MARCHF1: variants seen among roughly 807,000 people sequenced by gnomAD.
MARCHF1 encodes E3 ubiquitin-protein ligase MARCHF1.
A neutral mutation model predicts 54.2 loss-of-function variants in MARCHF1; 40 were observed. The observed-to-expected ratio is 0.74, with a 90% CI of 0.57 to 0.96. MARCHF1 has a LOEUF of 0.96. Among genes scored for constraint, MARCHF1 ranks in the 40% least tolerant of loss-of-function variants. The pLI, the probability that MARCHF1 is intolerant of heterozygous loss-of-function variation, is 0.00. For missense variants in MARCHF1, 586 were observed against 656.5 expected, an observed-to-expected ratio of 0.89 and a Z score of 1.17; for synonymous variants, 236 against 236.3, an observed-to-expected ratio of 1.00 and a Z score of 0.01.
chr4:163,973,811 A>G (rs1752598110), intron 3 of MARCHF1, among the ~76,000 whole-genome samples: 1 of 152,250 alleles, frequency 6.6e-6, no homozygotes, highest in Admixed American at 6.5e-5. Flanking sequence ...ACATATTCTG[A>G]GTAGCCAGCC....
intron 4 of MARCHF1, among the ~76,000 whole-genome samples, chr4:163,805,386 A>C (rs1262868602): frequency 6.6e-6 from 1 of 151,922 alleles, no homozygotes; most frequent in Non-Finnish European, 1.5e-5. Flanking sequence ...AAAAACATTC[A>C]ACAAGTTTAT....
intron 2 of MARCHF1, among the ~76,000 whole-genome samples, chr4:164,030,804 G>T (rs890571417): frequency 6.6e-6 from 1 of 152,110 alleles, no homozygotes; most frequent in Non-Finnish European, 1.5e-5. Context: ...ATATTTTGGG[G>T]AGGAAATTTT....
chr4:163,794,549 T>C (rs1044387679), intron 4 of MARCHF1, among the ~76,000 whole-genome samples: 5 of 152,198 alleles, frequency 3.3e-5, no homozygotes, highest in African/African-American at 1.2e-4. Context: ...AAGACCAGAA[T>C]GTATGTAACA....
intron 4 of MARCHF1, among the ~76,000 whole-genome samples, chr4:163,764,552 T>G (rs764202318): frequency 2.0e-5 from 3 of 152,076 alleles, no homozygotes; most frequent in Non-Finnish European, 4.4e-5. Context: ...AGAAAATTTG[T>G]CTTTGTGATG....
chr4:163,889,674 A>G (rs1203916768), intron 3 of MARCHF1, among the ~76,000 whole-genome samples: 36 of 152,108 alleles, frequency 2.4e-4, no homozygotes, highest in Admixed American at 2.2e-3. Flanking sequence ...CTCTTCTGTC[A>G]TAAGCAGTGA....
intron 9 of MARCHF1, 93 bp downstream of exon 9, chr4:163,545,503 G>T: frequency 8.2e-7 from 1 of 1,224,546 alleles, no homozygotes; most frequent in East Asian, 2.4e-5. Context: ...TATCATACAT[G>T]ATGAAGGCCT....
chr4:163,720,296 A>G (rs1367843471), intron 4 of MARCHF1, among the ~76,000 whole-genome samples: 14 of 152,156 alleles, frequency 9.2e-5, no homozygotes, highest in African/African-American at 3.4e-4. Context: ...TCCTTTCCCC[A>G]TTTCTTGTTT....
At chr4:163,858,734 T>A (rs551867316) in intron 3 of MARCHF1, among the ~76,000 whole-genome samples, 1 of 152,252 alleles carries the variant, frequency 6.6e-6, no homozygotes, top group African/African-American at 2.4e-5. Context: ...TTGAGAAAAC[T>A]CTAACATTCA....
intron 1 of MARCHF1, among the ~76,000 whole-genome samples, chr4:164,178,651 A>G (rs1490063192): frequency 6.6e-6 from 1 of 152,210 alleles, no homozygotes; most frequent in Non-Finnish European, 1.5e-5. Context: ...ATGAATACTT[A>G]AATATCACTA....
At chr4:163,576,731 G>A (rs909869868) in intron 8 of MARCHF1, among the ~76,000 whole-genome samples, 3 of 151,912 alleles carry the variant, frequency 2.0e-5, no homozygotes, top group African/African-American at 4.8e-5. Flanking sequence ...GTGCTTCAAT[G>A]TTGGGAACGT....
At chr4:164,154,801 T>C (rs1299927550) in intron 1 of MARCHF1, among the ~76,000 whole-genome samples, 1 of 152,176 alleles carries the variant, frequency 6.6e-6, no homozygotes, top group African/African-American at 2.4e-5. Flanking sequence ...CAGGGGACGA[T>C]TGTGCCAGCT....
intron 1 of MARCHF1, among the ~76,000 whole-genome samples, chr4:164,112,726 A>G (rs1017804732): frequency 6.6e-6 from 1 of 151,980 alleles, no homozygotes; most frequent in Non-Finnish European, 1.5e-5. Context: ...AATTCACACT[A>G]TATACAACAA....
intron 1 of MARCHF1, among the ~76,000 whole-genome samples, chr4:164,172,750 G>A (rs925303513): frequency 1.4e-4 from 21 of 152,194 alleles, no homozygotes; most frequent in Admixed American, 4.6e-4. Context: ...GGCTGAGGCG[G>A]GCAAACCAAG....
At chr4:164,101,317 G>C (rs2111158119) in intron 2 of MARCHF1, among the ~76,000 whole-genome samples, 1 of 150,302 alleles carries the variant, frequency 6.7e-6, no homozygotes, top group African/African-American at 2.4e-5. Context: ...GCAGGGCACA[G>C]TCAAACAAAA....
At chr4:164,072,526 A>G (rs1754889847) in intron 2 of MARCHF1, among the ~76,000 whole-genome samples, 1 of 152,138 alleles carries the variant, frequency 6.6e-6, no homozygotes, top group Non-Finnish European at 1.5e-5. Context: ...ATGCCACCAC[A>G]CGCCAGCCTA....
At chr4:164,065,966 C>G (rs1365718907) in intron 2 of MARCHF1, among the ~76,000 whole-genome samples, 2 of 152,094 alleles carry the variant, frequency 1.3e-5, no homozygotes, top group Non-Finnish European at 2.9e-5. Flanking sequence ...TAGTGTGCAC[C>G]CACAATGAAG....
At chr4:163,657,994 A>T (rs887457163) in intron 5 of MARCHF1, among the ~76,000 whole-genome samples, 2 of 146,476 alleles carry the variant, frequency 1.4e-5, no homozygotes, top group Non-Finnish European at 3.0e-5. Flanking sequence ...TTCAGGACAT[A>T]GGCACAGGCA....
intron 1 of MARCHF1, among the ~76,000 whole-genome samples, chr4:164,124,527 A>C (rs1756139839): frequency 6.6e-6 from 1 of 152,220 alleles, no homozygotes; most frequent in African/African-American, 2.4e-5. Context: ...AAGCAACATA[A>C]GTGTCCATCG....
chr4:164,189,852 G>A, intron 1 of MARCHF1: 4 of 1,595,162 alleles, frequency 2.5e-6, no homozygotes, highest in Middle Eastern at 1.7e-4. Context: ...TCCTCGTGGG[G>A]TCCCACAGAT....
Sources: allele counts gnomAD v4.1 joint callset (sites outside exome capture counted in the v4.1 genomes callset), GRCh38; gene constraint gnomAD v4.1.1; transcripts MANE v1.5; gene names NCBI Gene and HGNC (gene_info 2026-07-23, HGNC 2026-07-21).